LRRC49: variants seen among roughly 807,000 people sequenced by gnomAD.
The protein encoded by LRRC49 is leucine rich repeat containing 49.
In LRRC49, 50 loss-of-function variants were observed where a neutral mutation model predicts 83.3. The observed-to-expected ratio is 0.60, with a 90% CI of 0.48 to 0.76. The LOEUF (loss-of-function observed/expected upper bound fraction) is 0.76. Among genes scored for constraint, LRRC49 ranks in the 30% least tolerant of loss-of-function variants. LRRC49 has a pLI of 0.00. For synonymous variants in LRRC49, 286 were observed against 283.3 expected, an observed-to-expected ratio of 1.01 and a Z score of -0.10; for missense variants, 704 against 809.1, an observed-to-expected ratio of 0.87 and a Z score of 1.58.
intron 3 of LRRC49, chr15:70,900,550 AG>A (rs1296439610): frequency 2.2e-6 from 1 of 457,438 alleles, no homozygotes; most frequent in South Asian, 1.5e-5. Context: ...AGAATCCAGC[AG>A]GGCTGTCATA....
At chr15:70,972,522 T>C (rs1284341231) in intron 9 of LRRC49, among the ~76,000 whole-genome samples, 2 of 152,232 alleles carry the variant, frequency 1.3e-5, no homozygotes, top group African/African-American at 4.8e-5. Flanking sequence ...TGAATTTGAA[T>C]GTTGGCCTGT....
chr15:70,990,443 G>A (rs2037825288), intron 11 of LRRC49, among the ~76,000 whole-genome samples: 2 of 152,222 alleles, frequency 1.3e-5, no homozygotes, highest in South Asian at 4.1e-4. Context: ...CGAGCCAGGT[G>A]CGGGATATAA....
chr15:70,919,697 T>C (rs748605917), intron 7 of LRRC49, among the ~76,000 whole-genome samples: 3 of 152,214 alleles, frequency 2.0e-5, no homozygotes, highest in Non-Finnish European at 4.4e-5. Context: ...TCTCATTAGC[T>C]GTGTGACCTT....
intron 5 of LRRC49, among the ~76,000 whole-genome samples, chr15:70,909,166 C>G (rs1026078819): frequency 8.5e-5 from 13 of 152,136 alleles, no homozygotes; most frequent in Non-Finnish European, 1.6e-4. Context: ...GATACAATCT[C>G]CATTATCCCT....
upstream of LRRC49, chr15:70,892,204 A>G (rs771849095): frequency 1.2e-4 from 196 of 1,604,260 alleles, no homozygotes; most frequent in Non-Finnish European, 1.6e-4. Flanking sequence ...GGTCCTTGGG[A>G]AAGCGGAACA....
chr15:70,978,124 A>T (rs183096394), intron 9 of LRRC49, among the ~76,000 whole-genome samples: 1 of 152,184 alleles, frequency 6.6e-6, no homozygotes, highest in Admixed American at 6.5e-5. Flanking sequence ...AGTCTCTTTG[A>T]CCTTCTTTAA....
At chr15:71,040,681 G>A (rs895318078) in intron 15 of LRRC49, among the ~76,000 whole-genome samples, 3 of 152,090 alleles carry the variant, frequency 2.0e-5, no homozygotes, top group Admixed American at 6.6e-5. Context: ...TTAGCCGGGC[G>A]TGGTGGTGGG....
At chr15:70,882,599 G>C in intron 2 of LRRC49, 1 of 1,614,046 alleles carries the variant, frequency 6.2e-7, no homozygotes, top group Non-Finnish European at 8.5e-7. Context: ...CTCTGTCTGA[G>C]TAGTTGCATT....
At chr15:70,892,263 G>C (rs1292398535), upstream of LRRC49, 1 of 1,569,104 alleles carries the variant, frequency 6.4e-7, no homozygotes, top group East Asian at 2.4e-5. Context: ...GCCACACAAC[G>C]GGCCGGCATG....
intron 2 of LRRC49, among the ~76,000 whole-genome samples, chr15:70,880,748 T>C (rs993835922): frequency 1.3e-5 from 2 of 152,180 alleles, no homozygotes; most frequent in Non-Finnish European, 2.9e-5. Context: ...TTGACATGGC[T>C]GTCAAAACTG....
At chr15:70,894,579 A>C in intron 2 of LRRC49, 1 of 1,259,696 alleles carries the variant, frequency 7.9e-7, no homozygotes, top group Non-Finnish European at 1.0e-6. Flanking sequence ...CAGCATTTAT[A>C]CTTACCTACT....
chr15:71,025,376 G>C (rs1024990992), intron 14 of LRRC49, among the ~76,000 whole-genome samples: 1 of 152,116 alleles, frequency 6.6e-6, no homozygotes, highest in South Asian at 2.1e-4. Context: ...AGCCAGAAGA[G>C]ATTGGAGGAA....
intron 14 of LRRC49, among the ~76,000 whole-genome samples, chr15:71,030,650 C>T (rs994424548): frequency 1.3e-5 from 2 of 152,148 alleles, no homozygotes; most frequent in East Asian, 3.9e-4. Flanking sequence ...CTTTCAGGTA[C>T]ACCAATCAAT....
chr15:70,854,100 C>G, intron 1 of LRRC49: 1 of 1,259,022 alleles, frequency 7.9e-7, no homozygotes, highest in Non-Finnish European at 1.0e-6. Context: ...GCTCGCGGGA[C>G]TGCGGCGCCG....
chr15:70,901,167 G>A (rs906237243), intron 4 of LRRC49, 143 bp downstream of exon 4: 2 of 537,100 alleles, frequency 3.7e-6, no homozygotes, highest in African/African-American at 4.0e-5. Context: ...TTTTTAACCA[G>A]TTTTTTGCTT....
intron 2 of LRRC49, among the ~76,000 whole-genome samples, chr15:70,880,712 C>CTA (rs901866474): frequency 6.6e-6 from 1 of 151,622 alleles, no homozygotes; most frequent in Non-Finnish European, 1.5e-5. Flanking sequence ...AAGAAGAAAA[C>CTA]TAAGTGAAGA....
At chr15:70,879,419 A>G (rs2033216599) in intron 2 of LRRC49, among the ~76,000 whole-genome samples, 1 of 152,228 alleles carries the variant, frequency 6.6e-6, no homozygotes, top group Non-Finnish European at 1.5e-5. Flanking sequence ...ATTTTAAATT[A>G]TACTGGACAT....
At chr15:70,863,761 C>T (rs548425771) in intron 1 of LRRC49, among the ~76,000 whole-genome samples, 6 of 152,338 alleles carry the variant, frequency 3.9e-5, no homozygotes, top group Admixed American at 2.0e-4. Flanking sequence ...GGTCATGTAT[C>T]TGAGCCCTGT....
intron 2 of LRRC49, among the ~76,000 whole-genome samples, chr15:70,885,381 C>T (rs1440398711): frequency 6.6e-6 from 1 of 152,122 alleles, no homozygotes; most frequent in Admixed American, 6.5e-5. Flanking sequence ...TACAAAAGTA[C>T]TATAAACCCT....
Sources: allele counts gnomAD v4.1 joint callset (sites outside exome capture counted in the v4.1 genomes callset), GRCh38; gene constraint gnomAD v4.1.1; transcripts MANE v1.5; gene names NCBI Gene and HGNC (gene_info 2026-07-23, HGNC 2026-07-21).